The following SPA17 variants were observed in gnomAD, a reference collection of about 807,000 sequenced individuals.
SPA17 encodes sperm autoantigenic protein 17.
A neutral mutation model predicts 13.8 loss-of-function variants in SPA17; 7 were observed. The observed-to-expected ratio is 0.51, with a 90% CI of 0.29 to 0.95. The LOEUF (loss-of-function observed/expected upper bound fraction) is 0.95. Ranked by LOEUF, SPA17 falls within the 40% of genes least tolerant of loss-of-function variation. The pLI, the probability that SPA17 is intolerant of heterozygous loss-of-function variation, is 0.08. For missense variants in SPA17, 170 were observed against 179.3 expected, an observed-to-expected ratio of 0.95 and a Z score of 0.30; for synonymous variants, 61 against 59.0, an observed-to-expected ratio of 1.03 and a Z score of -0.16.
chr11:124,678,540 G>A (rs1943496392), intron 2 of SPA17, among the ~76,000 whole-genome samples: 1 of 152,012 alleles, frequency 6.6e-6, no homozygotes, highest in African/African-American at 2.4e-5. Flanking sequence ...GTGTGTGTGT[G>A]TGTGTGTGTT....
At position 124,682,336 on chromosome 11, in the gene SPA17, A is replaced by T. The variant is rs368451422; in HGVS notation, c.225+877A>T. Among the ~76,000 whole-genome samples, 31 of 152,284 alleles carry T rather than the reference A, an allele frequency of 2.0e-4. No homozygotes were observed. In the East Asian group the frequency reaches 4.2e-3, roughly 21 times the overall value. ...CTCACAGGAAACATGAAAAACAAGG[A>T]AGTATGACACCCCAGAATGAACACA... On this transcript the variant is annotated intron_variant, in intron 3 of 4. Transcript: ENST00000227135.
intron 2 of SPA17, among the ~76,000 whole-genome samples, chr11:124,679,962 C>T (rs1943512141): frequency 6.6e-6 from 1 of 152,264 alleles, no homozygotes; most frequent in Admixed American, 6.5e-5. Flanking sequence ...ATTGGTCATC[C>T]TGAGAGGATC....
In SPA17 at chr11:124,675,370, C is replaced by T. The variant is rs146157978; in HGVS notation, c.106C>T (p.Pro36Ser). The stretch of plus-strand genomic sequence containing the variant: ...TCTGAGAGAGCAACCGGACAATATA[C>T]CAGCTTTTGCAGCAGCCTATTTTGA... ...EILREQPDNI[P>S]AFAAAYFESL... Residue 36 changes from proline (P) to serine (S), a missense_variant, in exon 2 of 5, where the codon CCA becomes TCA. Transcript: ENST00000227135. 8.1e-6 allele frequency: 13 copies of T among 1,614,154 alleles called. No individual in the cohort carries two copies. The highest frequency in any genetic ancestry group is 3.3e-4 in the Middle Eastern group (2 of 6,062).
intron 3 of SPA17, among the ~76,000 whole-genome samples, chr11:124,686,198 G>GT (rs1369329864): frequency 6.1e-5 from 7 of 114,410 alleles, no homozygotes; most frequent in Admixed American, 5.9e-4. Flanking sequence ...GGTGGGGGGG[G>GT]GGTGGTTTTA....
intron 3 of SPA17, among the ~76,000 whole-genome samples, chr11:124,681,779 G>A (rs372245962): frequency 1.3e-5 from 2 of 152,054 alleles, no homozygotes; most frequent in African/African-American, 2.4e-5. Context: ...ACAACAGGAA[G>A]AAGGTGCTTA....
chr11:124,688,951 G>A (rs375341763), intron 3 of SPA17, among the ~76,000 whole-genome samples: 6 of 152,180 alleles, frequency 3.9e-5, no homozygotes, highest in Non-Finnish European at 7.4e-5. Context: ...GCATAGAACC[G>A]GTATAAAAAC....
rs1565427789 is a variant in SPA17, at chr11:124,695,893, A to C, written c.*1447A>C. The C allele has an allele frequency of 6.6e-6, 1 of 152,252 alleles. No homozygotes were observed. The highest frequency in any genetic ancestry group is 1.5e-5 in the Non-Finnish European group (1 of 68,076). 9.4% of individuals were successfully genotyped at this position (152,252 alleles called of 1,614,324 possible). A position where few individuals can be genotyped will look rare whatever the true frequency, so the allele number is the denominator to read the frequency against. ...TTTGATCCTTGTCCTAGGCTTAGAC[A>C]TGCTCTTTCTGCAAAGCAGTTTTAT... is the stretch of plus-strand genomic sequence containing the variant. On this transcript the variant is annotated 3_prime_UTR_variant, in exon 5 of 5. Transcript: ENST00000227135.
At chr11:124,677,652 A>G (rs1441922339) in intron 2 of SPA17, among the ~76,000 whole-genome samples, 1 of 152,236 alleles carries the variant, frequency 6.6e-6, no homozygotes, top group Non-Finnish European at 1.5e-5. Context: ...TAAATTGACA[A>G]CATAAAAGTA....
At chr11:124,684,467 G>A (rs1943558137) in intron 3 of SPA17, among the ~76,000 whole-genome samples, 1 of 152,044 alleles carries the variant, frequency 6.6e-6, no homozygotes, top group Admixed American at 6.5e-5. Context: ...GGCCAGGCTG[G>A]TCTCAAACTC....
At chr11:124,692,304 G>A (rs928687667) in intron 4 of SPA17, among the ~76,000 whole-genome samples, 8 of 152,160 alleles carry the variant, frequency 5.3e-5, no homozygotes, top group Non-Finnish European at 1.5e-5. Flanking sequence ...GCGGAGGCCG[G>A]GCGTGGTGGC....
chr11:124,688,670 A>G (rs759826296), intron 3 of SPA17, among the ~76,000 whole-genome samples: 1 of 152,210 alleles, frequency 6.6e-6, no homozygotes, highest in Non-Finnish European at 1.5e-5. Flanking sequence ...AAAACAATCT[A>G]CAGATTCAGT....
chr11:124,675,315 G>A lies in SPA17; in HGVS notation c.51G>A (p.Gly17=), dbSNP rs1333213735. The A allele has an allele frequency of 6.2e-7, 1 of 1,614,036 alleles. No homozygotes were observed. The highest frequency in any genetic ancestry group is 8.5e-7 in the Non-Finnish European group (1 of 1,180,034). Residue 17 remains glycine (G), a synonymous_variant, in exon 2 of 5, where the codon GGG becomes GGA. Coordinates refer to ENST00000227135, the MANE Select transcript of SPA17 (RefSeq NM_017425.4). ...NTHYRIPQGF[G]NLLEGLTREI... Reference sequence around the variant, plus strand: ...ACTACCGAATTCCACAAGGATTTGGGAATCTTCTTGAAGGGCTGACACGCG... The same window carrying A: ...ACTACCGAATTCCACAAGGATTTGGAAATCTTCTTGAAGGGCTGACACGCG...
intron 2 of SPA17, among the ~76,000 whole-genome samples, chr11:124,680,817 T>A (rs1169640101): frequency 6.6e-6 from 1 of 152,082 alleles, no homozygotes; most frequent in East Asian, 1.9e-4. Flanking sequence ...AAATAAATCA[T>A]GGGTTGATCA....
chr11:124,693,504 C>T (rs1248188164), intron 4 of SPA17, among the ~76,000 whole-genome samples: 1 of 146,422 alleles, frequency 6.8e-6, no homozygotes, highest in East Asian at 2.0e-4. Context: ...ATATATATAC[C>T]CATATGAATA....
At chr11:124,676,553 T>C (rs982916441) in intron 2 of SPA17, among the ~76,000 whole-genome samples, 2 of 152,244 alleles carry the variant, frequency 1.3e-5, no homozygotes, top group Admixed American at 1.3e-4. Flanking sequence ...TGCCCTGCCC[T>C]AGCAGAGCTC....
At position 124,694,384 on chromosome 11, in the gene SPA17, G is replaced by A. The variant is rs773062509; in HGVS notation, c.394G>A (p.Glu132Lys). The A allele has an allele frequency of 2.5e-6, 4 of 1,614,010 alleles. No homozygotes were observed. The highest frequency in any genetic ancestry group is 3.4e-6 in the Non-Finnish European group (4 of 1,179,982). ...TGCCTTCCGGGGACACATAGCCAGA[G>A]AGGAGGCAAAGAAAATGAAAACAAA... Reference protein sequence around the residue: ...QAAFRGHIAREEAKKMKTNSL... With the variant: ...QAAFRGHIARKEAKKMKTNSL... The change falls in exon 5 of 5, where the codon GAG becomes AAG. Residue 132 changes from glutamate (E) to lysine (K), a missense_variant. Physicochemically the swap from Glu to Lys is moderately conservative, Grantham distance 56. Transcript: ENST00000227135.
intron 2 of SPA17, among the ~76,000 whole-genome samples, chr11:124,677,740 C>G (rs149157781): frequency 6.6e-6 from 1 of 152,032 alleles, no homozygotes. Context: ...AATTTATATC[C>G]CAATGGGTTA....
intron 3 of SPA17, 59 bp downstream of exon 3, chr11:124,681,518 A>G (rs1374647768): frequency 1.5e-6 from 2 of 1,298,166 alleles, no homozygotes; most frequent in Non-Finnish European, 2.1e-6. Context: ...ACAGCTAGCA[A>G]TTATTAGGCT....
At position 124,694,544 on chromosome 11, in the gene SPA17, T is replaced by TATTTCACAAC; in HGVS notation, c.*98_*99insATTTCACAAC. The TATTTCACAAC allele has an allele frequency of 2.1e-6, 3 of 1,463,108 alleles. No homozygotes were observed. Among genetic ancestry groups the TATTTCACAAC allele is most frequent in the Non-Finnish European group, 2.8e-6 (3 of 1,085,636 alleles). The allele number at this position is 1,463,108 out of a possible 1,614,324, so 90.6% of individuals were successfully genotyped here. A position where few individuals can be genotyped will look rare whatever the true frequency, so the allele number is the denominator to read the frequency against. ...TTCCTGAGGAAGGAAGATTTGATGT[T>TATTTCACAAC]GTGAAATAACATTCGTTACTGTTGT... is the stretch of plus-strand genomic sequence containing the variant. On this transcript the variant is annotated 3_prime_UTR_variant, in exon 5 of 5. Transcript: ENST00000227135.
Sources: allele counts gnomAD v4.1 joint callset (sites outside exome capture counted in the v4.1 genomes callset), GRCh38; gene constraint gnomAD v4.1.1; transcripts MANE v1.5; gene names NCBI Gene and HGNC (gene_info 2026-07-23, HGNC 2026-07-21).